The following GALNTL6 variants were observed in gnomAD, a reference collection of about 807,000 sequenced individuals.
GALNTL6 encodes polypeptide N-acetylgalactosaminyltransferase like 6.
GALNTL6 carries 46 observed loss-of-function variants against 73.7 expected under a neutral mutation model. That is an observed-to-expected ratio of 0.62 (90% confidence interval 0.49 to 0.80). GALNTL6 has a LOEUF of 0.80. Among genes scored for constraint, GALNTL6 ranks in the 30% least tolerant of loss-of-function variants. The pLI is 0.00. For missense variants in GALNTL6, 604 were observed against 755.0 expected (o/e 0.80, Z 2.34); for synonymous variants, 259 against 263.7 (o/e 0.98, Z 0.17).
At chr4:172,275,907 A>C (rs1041782740) in intron 3 of GALNTL6, among the ~76,000 whole-genome samples, 7 of 152,202 alleles carry the variant, frequency 4.6e-5, no homozygotes, top group African/African-American at 1.4e-4. Context: ...CAGTGAGCCA[A>C]GTTTGTGCCG....
intron 2 of GALNTL6, among the ~76,000 whole-genome samples, chr4:171,863,337 T>A (rs1735884559): frequency 6.6e-6 from 1 of 152,214 alleles, no homozygotes; most frequent in Non-Finnish European, 1.5e-5. Context: ...TTAACTAATA[T>A]AACTATATGG....
intron 7 of GALNTL6, among the ~76,000 whole-genome samples, chr4:172,827,824 A>G (rs1404893375): frequency 6.6e-6 from 1 of 152,204 alleles, no homozygotes; most frequent in Non-Finnish European, 1.5e-5. Context: ...GAAAAATTTT[A>G]TCAATAATAC....
At chr4:172,958,361 T>C (rs1488684610) in intron 10 of GALNTL6, among the ~76,000 whole-genome samples, 1 of 152,122 alleles carries the variant, frequency 6.6e-6, no homozygotes, top group East Asian at 1.9e-4. Context: ...GCACTTTGGC[T>C]GTGGGTAATG....
At chr4:172,689,196 G>A (rs1461765360) in intron 5 of GALNTL6, among the ~76,000 whole-genome samples, 3 of 152,158 alleles carry the variant, frequency 2.0e-5, no homozygotes, top group Non-Finnish European at 4.4e-5. Context: ...TATAGCTGAA[G>A]TAGTTTGGAC....
chr4:171,928,460 G>A (rs1462276418), intron 2 of GALNTL6, among the ~76,000 whole-genome samples: 1 of 152,132 alleles, frequency 6.6e-6, no homozygotes, highest in Non-Finnish European at 1.5e-5. Flanking sequence ...TTTCCGCCTA[G>A]GAAATAAAAT....
intron 8 of GALNTL6, among the ~76,000 whole-genome samples, chr4:172,888,853 A>G (rs1428590308): frequency 6.6e-6 from 1 of 152,202 alleles, no homozygotes; most frequent in Non-Finnish European, 1.5e-5. Flanking sequence ...TTTGGATAGT[A>G]TGACTATTAT....
chr4:172,657,446 CCAAT>C (rs111282026), intron 5 of GALNTL6, among the ~76,000 whole-genome samples: 327 of 152,260 alleles, frequency 2.1e-3, no homozygotes, highest in African/African-American at 6.1e-3. Context: ...CTATTTTTTA[CCAAT>C]CAGTCTTTGT....
intron 2 of GALNTL6, among the ~76,000 whole-genome samples, chr4:172,156,158 A>C (rs927480357): frequency 6.6e-6 from 1 of 151,978 alleles, no homozygotes; most frequent in African/African-American, 2.4e-5. Context: ...TGTAAACAGG[A>C]AGTGTCCGAG....
chr4:171,912,158 C>G (rs78688474), intron 2 of GALNTL6, among the ~76,000 whole-genome samples: 6,005 of 152,056 alleles, frequency 0.039, 308 homozygotes, highest in African/African-American at 0.12. Context: ...AGAAAATAAT[C>G]AATGATTTTC....
chr4:172,862,938 A>G (rs1268693317), intron 7 of GALNTL6, among the ~76,000 whole-genome samples: 2 of 152,168 alleles, frequency 1.3e-5, no homozygotes, highest in African/African-American at 4.8e-5. Flanking sequence ...CAGCCTAGGG[A>G]CTTGGTGCCC....
At chr4:171,838,304 G>T (rs897494483) in intron 2 of GALNTL6, among the ~76,000 whole-genome samples, 1 of 151,768 alleles carries the variant, frequency 6.6e-6, no homozygotes, top group Non-Finnish European at 1.5e-5. Flanking sequence ...TGAATTTTTG[G>T]TAGAGAGGGG....
intron 5 of GALNTL6, among the ~76,000 whole-genome samples, chr4:172,771,416 G>C (rs1418120526): frequency 1.3e-5 from 2 of 152,086 alleles, no homozygotes; most frequent in African/African-American, 4.8e-5. Flanking sequence ...CTCCTAAGCT[G>C]GTGATATCAC....
At chr4:172,030,346 G>A (rs1741729446) in intron 2 of GALNTL6, among the ~76,000 whole-genome samples, 1 of 152,012 alleles carries the variant, frequency 6.6e-6, no homozygotes, top group Non-Finnish European at 1.5e-5. Context: ...GGCATGTCAA[G>A]CAACCGGGGT....
At chr4:171,887,617 G>C (rs1736639989) in intron 2 of GALNTL6, among the ~76,000 whole-genome samples, 1 of 152,090 alleles carries the variant, frequency 6.6e-6, no homozygotes. Context: ...ATGGAGACAG[G>C]AGCTGTGGGT....
intron 8 of GALNTL6, among the ~76,000 whole-genome samples, chr4:172,895,692 C>A (rs527482205): frequency 2.0e-5 from 3 of 152,144 alleles, no homozygotes; most frequent in African/African-American, 7.2e-5. Context: ...GTTATTAGTT[C>A]TTTAAACAAA....
chr4:172,648,226 G>C (rs181962474), intron 5 of GALNTL6, among the ~76,000 whole-genome samples: 1 of 152,214 alleles, frequency 6.6e-6, no homozygotes, highest in Admixed American at 6.5e-5. Context: ...CTCACTGACT[G>C]ACGTTTGGAA....
chr4:171,941,948 C>T (rs1041709113), intron 2 of GALNTL6, among the ~76,000 whole-genome samples: 4 of 152,064 alleles, frequency 2.6e-5, no homozygotes, highest in Non-Finnish European at 4.4e-5. Context: ...GCACATTATC[C>T]AGCATATAAC....
At chr4:172,268,873 A>T (rs887756807) in intron 3 of GALNTL6, among the ~76,000 whole-genome samples, 12 of 152,190 alleles carry the variant, frequency 7.9e-5, no homozygotes, top group African/African-American at 2.7e-4. Flanking sequence ...ATTGGCTAGC[A>T]GTTCAATCTT....
chr4:172,073,559 A>G (rs1731617678), intron 2 of GALNTL6, among the ~76,000 whole-genome samples: 1 of 152,202 alleles, frequency 6.6e-6, no homozygotes, highest in Non-Finnish European at 1.5e-5. Flanking sequence ...TCAACAGGGA[A>G]AAAGAGATTA....
Sources: allele counts gnomAD v4.1 joint callset (sites outside exome capture counted in the v4.1 genomes callset), GRCh38; gene constraint gnomAD v4.1.1; transcripts MANE v1.5; gene names NCBI Gene and HGNC (gene_info 2026-07-23, HGNC 2026-07-21).